Variants in TEX9 observed in about 807,000 individuals in gnomAD.
TEX9 encodes the protein testis expressed 9.
A neutral mutation model predicts 59.6 loss-of-function variants in TEX9; 74 were observed. That is an observed-to-expected ratio of 1.24 (90% CI 1.03 to 1.51). TEX9 has a LOEUF of 1.51. TEX9 is among the 40% of genes most tolerant of loss of function. The pLI is 0.00. For missense variants in TEX9, 522 were observed against 447.8 expected, an observed-to-expected ratio of 1.17 and a Z score of -1.49; for synonymous variants, 186 against 152.2, an observed-to-expected ratio of 1.22 and a Z score of -1.64.
At chr15:56,269,152 G>C (rs560157081) in intron 1 of TEX9, among the ~76,000 whole-genome samples, 1 of 152,262 alleles carries the variant, frequency 6.6e-6, no homozygotes, top group African/African-American at 2.4e-5. Context: ...TTGTATTCCT[G>C]TCGGATCCGT....
intron 9 of TEX9, among the ~76,000 whole-genome samples, chr15:56,410,564 G>C (rs1489184783): frequency 6.6e-6 from 1 of 151,812 alleles, no homozygotes; most frequent in Admixed American, 6.6e-5. Flanking sequence ...TATAACAGTA[G>C]AAATTTGTTT....
At chr15:56,298,663 A>T (rs1333927776) in intron 1 of TEX9, among the ~76,000 whole-genome samples, 3 of 152,116 alleles carry the variant, frequency 2.0e-5, no homozygotes, top group African/African-American at 7.2e-5. Context: ...GCCCATACAC[A>T]TTACTTTCAC....
At chr15:56,439,122 T>A (rs915653658) in intron 12 of TEX9, among the ~76,000 whole-genome samples, 5 of 152,080 alleles carry the variant, frequency 3.3e-5, no homozygotes, top group African/African-American at 1.2e-4. Flanking sequence ...CACAAAAATA[T>A]CAATTCACTA....
intron 10 of TEX9, among the ~76,000 whole-genome samples, chr15:56,413,271 A>AT (rs2049488048): frequency 3.1e-5 from 1 of 32,654 alleles, no homozygotes; most frequent in Admixed American, 5.4e-4. Context: ...TAAATAATTT[A>AT]ATAATTAAAT....
At chr15:56,376,019 G>A (rs1007439800) in intron 3 of TEX9, among the ~76,000 whole-genome samples, 18 of 145,438 alleles carry the variant, frequency 1.2e-4, no homozygotes, top group African/African-American at 4.3e-4. Flanking sequence ...GGAATTGAAC[G>A]ATGAGAACAC....
chr15:56,286,808 G>T (rs2044964135), intron 1 of TEX9, among the ~76,000 whole-genome samples: 1 of 152,126 alleles, frequency 6.6e-6, no homozygotes. Context: ...TACATCTTTA[G>T]TTCTCACATT....
rs12908839 is a variant in TEX9 at position 56,432,375 on chromosome 15, G to T, written c.*29+3902G>T. Among the ~76,000 whole-genome samples, 4 of 152,074 alleles carry T rather than the reference G, an allele frequency of 2.6e-5. No individual in the cohort carries two copies. In the East Asian group the frequency reaches 5.8e-4, roughly 22 times the overall value. On this transcript the variant is annotated intron_variant, in intron 12 of 12. Transcript: ENST00000352903. ...TACCTCCTGGGAAGTTTCAGATTTT[G>T]TCTGACCGTATGATTTTCGTAGAGG...
chr15:56,375,591 A>G (rs1184163276), intron 3 of TEX9, among the ~76,000 whole-genome samples: 1 of 152,124 alleles, frequency 6.6e-6, no homozygotes, highest in Non-Finnish European at 1.5e-5. Flanking sequence ...GTCCTTGCCC[A>G]TGCCTATGTC....
chr15:56,388,029 C>G (rs555155072), intron 4 of TEX9, among the ~76,000 whole-genome samples: 2 of 152,012 alleles, frequency 1.3e-5, no homozygotes, highest in African/African-American at 4.8e-5. Context: ...TTGAACAAGG[C>G]AGACGTGATT....
chr15:56,391,287 C>A, exon 7 of TEX9: 1 of 1,579,574 alleles, frequency 6.3e-7, no homozygotes, highest in African/African-American at 1.4e-5. Flanking sequence ...GACGATGTTG[C>A]CATTCCAGAG....
chr15:56,373,696 A>G (rs1189772592), intron 3 of TEX9, among the ~76,000 whole-genome samples, 192 bp downstream of exon 3: 1 of 152,198 alleles, frequency 6.6e-6, no homozygotes, highest in Non-Finnish European at 1.5e-5. Context: ...TAGTAAGCAC[A>G]CATTTTCTAA....
At chr15:56,358,100 T>C (rs1239873260) in intron 1 of TEX9, among the ~76,000 whole-genome samples, 1 of 152,204 alleles carries the variant, frequency 6.6e-6, no homozygotes, top group Non-Finnish European at 1.5e-5. Flanking sequence ...TTTTAGCCTT[T>C]TTGGTTTCTA....
chr15:56,379,225 C>G (rs2047608439), intron 3 of TEX9, among the ~76,000 whole-genome samples: 1 of 152,092 alleles, frequency 6.6e-6, no homozygotes, highest in Admixed American at 6.5e-5. Flanking sequence ...TTCACTGTAT[C>G]CCATAGATCT....
downstream of TEX9, chr15:56,447,494 G>C (rs562093840): frequency 6.6e-6 from 1 of 151,808 alleles, no homozygotes; most frequent in East Asian, 1.9e-4. Context: ...GTTTTATTTT[G>C]GTAGTTTTAT....
intron 1 of TEX9, among the ~76,000 whole-genome samples, chr15:56,324,714 T>G (rs1318631699): frequency 6.6e-6 from 1 of 152,158 alleles, no homozygotes; most frequent in Non-Finnish European, 1.5e-5. Flanking sequence ...TATAGCTACT[T>G]AGGATGGATT....
chr15:56,448,751 C>CT (rs34366643), downstream of TEX9, among the ~76,000 whole-genome samples: 1,336 of 117,666 alleles, frequency 0.011, 16 homozygotes, highest in African/African-American at 0.023. Flanking sequence ...TTTTTAGATT[C>CT]TTTTTTTTTT....
At chr15:56,290,339 G>A (rs1234248598) in intron 1 of TEX9, among the ~76,000 whole-genome samples, 1 of 152,060 alleles carries the variant, frequency 6.6e-6, no homozygotes, top group Non-Finnish European at 1.5e-5. Flanking sequence ...AGGCTGCTAG[G>A]GATTGTGCTG....
chr15:56,270,776 T>C (rs531955493), intron 1 of TEX9, among the ~76,000 whole-genome samples: 1 of 152,358 alleles, frequency 6.6e-6, no homozygotes, highest in East Asian at 1.9e-4. Context: ...CTAGTACCAG[T>C]TGTTCCTTTC....
intron 1 of TEX9, among the ~76,000 whole-genome samples, chr15:56,314,763 C>T (rs1386804467): frequency 1.3e-5 from 2 of 151,646 alleles, no homozygotes; most frequent in Non-Finnish European, 2.9e-5. Context: ...TAAAGTCTCC[C>T]ATTATTATTG....
Sources: gnomAD v4.1 joint callset for allele counts (sites outside exome capture counted in the v4.1 genomes callset) on GRCh38, gnomAD v4.1.1 for gene constraint, MANE v1.5 for transcripts, NCBI Gene and HGNC (gene_info 2026-07-23, HGNC 2026-07-21) for gene names.